Variants in BICC1 observed in about 807,000 individuals in gnomAD.
BICC1 encodes BicC family RNA binding protein 1.
Under a neutral mutation model 111.0 loss-of-function variants are expected in BICC1, and 43 were observed. That is an observed-to-expected ratio of 0.39 (90% CI 0.30 to 0.50). The LOEUF is 0.50. Among genes scored for constraint, BICC1 ranks in the 20% least tolerant of loss-of-function variants. BICC1 has a pLI of 0.88. For missense variants in BICC1, 1,091 were observed against 1,203.2 expected, an observed-to-expected ratio of 0.91 and a Z score of 1.38; for synonymous variants, 467 against 434.4, an observed-to-expected ratio of 1.07 and a Z score of -0.93.
At chr10:58,569,528 C>G (rs1564491995) in intron 1 of BICC1, among the ~76,000 whole-genome samples, 3 of 152,140 alleles carry the variant, frequency 2.0e-5, no homozygotes. Context: ...TCTCCTAATG[C>G]TATCCCTCCC....
intron 2 of BICC1, among the ~76,000 whole-genome samples, chr10:58,697,852 G>GACCAAA (rs1314431428): frequency 6.6e-6 from 1 of 151,470 alleles, no homozygotes; most frequent in African/African-American, 2.4e-5. Flanking sequence ...CAATAATCTA[G>GACCAAA]CTCCAGTACT....
intron 10 of BICC1, among the ~76,000 whole-genome samples, chr10:58,797,685 T>C (rs1164633008): frequency 6.6e-6 from 1 of 152,224 alleles, no homozygotes; most frequent in African/African-American, 2.4e-5. Context: ...TATCCTGTTA[T>C]ATACTTTATG....
intron 1 of BICC1, among the ~76,000 whole-genome samples, chr10:58,521,113 A>G (rs773911214): frequency 1.1e-4 from 16 of 152,108 alleles, no homozygotes; most frequent in South Asian, 4.1e-4. Context: ...CTTTTGTTGT[A>G]GTATACTTTG....
chr10:58,572,959 T>C (rs1195886381), intron 1 of BICC1, among the ~76,000 whole-genome samples: 4 of 152,210 alleles, frequency 2.6e-5, no homozygotes, highest in Non-Finnish European at 5.9e-5. Context: ...TATTCTGTCA[T>C]ATAGGTATTT....
intron 3 of BICC1, among the ~76,000 whole-genome samples, chr10:58,721,476 TAC>T (rs925485568): frequency 1.3e-5 from 2 of 152,204 alleles, no homozygotes; most frequent in African/African-American, 2.4e-5. Flanking sequence ...AAAAAATGAC[TAC>T]AGTCATCTCA....
At chr10:58,669,976 A>C (rs1839132748) in intron 2 of BICC1, among the ~76,000 whole-genome samples, 1 of 152,160 alleles carries the variant, frequency 6.6e-6, no homozygotes, top group Non-Finnish European at 1.5e-5. Flanking sequence ...AGGAAGAAGA[A>C]TGTGCTCTGT....
intron 1 of BICC1, among the ~76,000 whole-genome samples, chr10:58,577,895 A>G (rs997118979): frequency 1.8e-4 from 28 of 152,226 alleles, no homozygotes; most frequent in African/African-American, 5.8e-4. Flanking sequence ...TTTCAGCTAG[A>G]GCAAGCTGTG....
At chr10:58,653,679 C>CTT (rs71033696) in intron 2 of BICC1, among the ~76,000 whole-genome samples, 40 of 150,614 alleles carry the variant, frequency 2.7e-4, no homozygotes, top group African/African-American at 9.3e-4. Context: ...ATTGTTCTTT[C>CTT]TTTTTTTTTT....
chr10:58,652,213 G>C (rs764790550), intron 2 of BICC1, among the ~76,000 whole-genome samples: 1 of 152,010 alleles, frequency 6.6e-6, no homozygotes, highest in Non-Finnish European at 1.5e-5. Context: ...AGAGTTTTGT[G>C]ATTTATTTTT....
chr10:58,603,444 T>A (rs1243923678), intron 1 of BICC1, among the ~76,000 whole-genome samples: 1 of 152,126 alleles, frequency 6.6e-6, no homozygotes, highest in African/African-American at 2.4e-5. Context: ...AGATTAAAAT[T>A]CAGTGGGATC....
chr10:58,513,243 G>A lies in BICC1; in HGVS notation c.100G>A (p.Asp34Asn). 6.2e-7 allele frequency: 1 copy of A among 1,612,992 alleles called. No individual in the cohort carries two copies. The highest frequency in any genetic ancestry group is 8.5e-7 in the Non-Finnish European group (1 of 1,179,662). Reference protein sequence around the residue: ...TDSPVPGSEDDLVAGATLHSP... With the variant: ...TDSPVPGSEDNLVAGATLHSP... ...CTCCCCAGTGCCCGGCTCCGAGGAC[G>A]ACTTGGTCGCCGGGGCGACCCTGCA... Residue 34 changes from aspartate to asparagine, a missense_variant, in exon 1 of 21, where the codon GAC becomes AAC. Physicochemically the swap from Asp to Asn is conservative, Grantham distance 23 (BLOSUM62 1). This residue lies in a region of BICC1 where 843 missense variants were observed against 900.8 expected (regional missense o/e 0.94). Transcript: ENST00000373886.
Position 58,734,665 on chromosome 10 carries a change from A to G in BICC1, c.307+32522A>G, listed in dbSNP as rs139997909. On this transcript the variant is annotated intron_variant, in intron 3 of 20. Transcript: ENST00000373886. ...TCTTGTATTAGCTGAAAAAAAGTGA[A>G]TTTTAAAATTCTCAGTGAAGAAGCA... is the stretch of plus-strand genomic sequence containing the variant. 3.2e-3 allele frequency among the ~76,000 whole-genome samples: 493 copies of G among 152,312 alleles called. 3 individuals are homozygous for G. The highest frequency in any genetic ancestry group is 0.011 in the African/African-American group (463 of 41,570).
chr10:58,679,804 C>T lies in BICC1; in HGVS notation c.238-22270C>T, dbSNP rs150954966. 2.0e-4 allele frequency among the ~76,000 whole-genome samples: 30 copies of T among 152,234 alleles called. No individual in the cohort carries two copies. The East Asian group carries it at 5.4e-3, about 27-fold the overall frequency. On this transcript the variant is annotated intron_variant, in intron 2 of 20. Transcript: ENST00000373886. ...AATCCTCAATAAAATACTGGCAAACCGGATCCAGCAGCACATTAAAAAGCT... is the reference window on the plus strand; with the variant it reads ...AATCCTCAATAAAATACTGGCAAACTGGATCCAGCAGCACATTAAAAAGCT...
At chr10:58,653,770 T>C (rs10733983) in intron 2 of BICC1, among the ~76,000 whole-genome samples, 146,855 of 147,906 alleles carry the variant, frequency 0.99, 72,913 homozygotes, top group East Asian at 1. Flanking sequence ...CATGCTGGTG[T>C]GCTGCACCCA....
At chr10:58,534,001 A>G (rs1366973739) in intron 1 of BICC1, among the ~76,000 whole-genome samples, 1 of 151,884 alleles carries the variant, frequency 6.6e-6, no homozygotes, top group African/African-American at 2.4e-5. Context: ...TTAAAAAAGA[A>G]CAAGATCCAA....
chr10:58,629,157 T>TGTA (rs1188131823), intron 2 of BICC1, among the ~76,000 whole-genome samples: 3 of 152,210 alleles, frequency 2.0e-5, no homozygotes, highest in Non-Finnish European at 4.4e-5. Flanking sequence ...ATGGGCTGGG[T>TGTA]GTAGTGCCTT....
chr10:58,530,655 C>T (rs1842657206), intron 1 of BICC1, among the ~76,000 whole-genome samples: 1 of 137,026 alleles, frequency 7.3e-6, no homozygotes, highest in Non-Finnish European at 1.5e-5. Flanking sequence ...ATTGTGTGTC[C>T]AGTACAATGT....
chr10:58,615,446 C>T (rs1845571082), intron 1 of BICC1, among the ~76,000 whole-genome samples: 3 of 152,134 alleles, frequency 2.0e-5, no homozygotes, highest in Admixed American at 6.6e-5. Flanking sequence ...CCACATGAGG[C>T]GCATTAGGTG....
At chr10:58,640,457 TAA>T (rs1168987810) in intron 2 of BICC1, among the ~76,000 whole-genome samples, 2 of 152,324 alleles carry the variant, frequency 1.3e-5, no homozygotes, top group Admixed American at 6.5e-5. Context: ...TGTTATAACT[TAA>T]GTTAGATTTT....
Sources: gnomAD v4.1 joint callset for allele counts (sites outside exome capture counted in the v4.1 genomes callset) on GRCh38, gnomAD v4.1.1 for gene constraint, gnomAD v4.1.1 regional missense constraint, MANE v1.5 for transcripts, NCBI Gene and HGNC (gene_info 2026-07-23, HGNC 2026-07-21) for gene names.